The following NBAS variants were observed in gnomAD, a reference collection of about 807,000 sequenced individuals.
NBAS encodes NBAS subunit of NRZ tethering complex.
Under a neutral mutation model 302.5 loss-of-function variants are expected in NBAS, and 219 were observed. That is an observed-to-expected ratio of 0.72 (90% CI 0.65 to 0.81). The LOEUF is 0.81. NBAS is among the 30% of genes least tolerant of loss of function. The pLI is 0.00. For synonymous variants in NBAS, 1,118 were observed against 1,021.6 expected, an observed-to-expected ratio of 1.09 and a Z score of -1.80; for missense variants, 2,932 against 2,841.6, an observed-to-expected ratio of 1.03 and a Z score of -0.72.
At chr2:14,848,324 C>A in the NBAS span, among the ~76,000 whole-genome samples, 3 of 145,606 alleles carry the variant, frequency 2.1e-5, 1 homozygote, top group Admixed American at 6.6e-5. Context: ...GACGGACACA[C>A]CTGGAAAATC....
chr2:15,249,022 T>G (rs1668235917), intron 44 of NBAS, among the ~76,000 whole-genome samples: 1 of 152,008 alleles, frequency 6.6e-6, no homozygotes, highest in African/African-American at 2.4e-5. Context: ...AAAAGAAAAT[T>G]TCAGGCCAAT....
At chr2:14,817,408 T>C in the NBAS span, among the ~76,000 whole-genome samples, 1 of 152,034 alleles carries the variant, frequency 6.6e-6, no homozygotes. Flanking sequence ...CACTGGACAA[T>C]ATTGCATGTG....
At chr2:14,919,495 AGT>A in the NBAS span, among the ~76,000 whole-genome samples, 1 of 152,152 alleles carries the variant, frequency 6.6e-6, no homozygotes, top group African/African-American at 2.4e-5. Flanking sequence ...ACAATGATGA[AGT>A]TTGCTGCATC....
the NBAS span, among the ~76,000 whole-genome samples, chr2:15,086,919 G>T: frequency 6.6e-6 from 1 of 152,124 alleles, no homozygotes; most frequent in South Asian, 2.1e-4. Flanking sequence ...TCCTAATGTG[G>T]GTGGGCCTTA....
chr2:14,912,028 C>T, the NBAS span, among the ~76,000 whole-genome samples: 3 of 152,138 alleles, frequency 2.0e-5, no homozygotes, highest in Admixed American at 6.5e-5. Context: ...ACTACATGCC[C>T]GGGCTATAGG....
At chr2:15,060,680 C>T in the NBAS span, among the ~76,000 whole-genome samples, 2 of 151,996 alleles carry the variant, frequency 1.3e-5, no homozygotes, top group African/African-American at 4.8e-5. Flanking sequence ...ACTGAGGATC[C>T]TAGATCTACT....
intron 35 of NBAS, among the ~76,000 whole-genome samples, chr2:15,345,660 A>T (rs1384250238): frequency 4.6e-5 from 7 of 152,188 alleles, no homozygotes; most frequent in African/African-American, 9.7e-5. Flanking sequence ...AACTACTTTA[A>T]ATTTCATATG....
chr2:15,351,285 C>A (rs56927351), intron 35 of NBAS, among the ~76,000 whole-genome samples: 47 of 152,090 alleles, frequency 3.1e-4, no homozygotes, highest in Non-Finnish European at 2.9e-5. Flanking sequence ...TGGTACGTAT[C>A]GACATTATTT....
At position 15,318,971 on chromosome 2, in the gene NBAS, A is replaced by G. The variant is rs1346077695; in HGVS notation, c.4582+8779T>C. 2.0e-5 allele frequency among the ~76,000 whole-genome samples: 3 copies of G among 152,218 alleles called. No homozygotes were observed. The East Asian group carries it at 5.8e-4, about 29-fold the overall frequency. On this transcript the variant is annotated intron_variant, in intron 38 of 51. Coordinates refer to ENST00000281513, the MANE Select transcript of NBAS (RefSeq NM_015909.4). ...ATTCTTCTTGCACCACATCACACCT[A>G]TTCTAAAATTGACCACATAATTGGA...
chr2:14,982,292 C>T, the NBAS span, among the ~76,000 whole-genome samples: 57 of 152,276 alleles, frequency 3.7e-4, no homozygotes, highest in African/African-American at 1.4e-3. Context: ...GTGCCAGCAC[C>T]CCAAGTCACT....
At chr2:15,033,716 T>A in the NBAS span, among the ~76,000 whole-genome samples, 1 of 152,036 alleles carries the variant, frequency 6.6e-6, no homozygotes, top group African/African-American at 2.4e-5. Context: ...ATCTTAGCAC[T>A]TTGGGAGGTG....
At chr2:14,988,349 C>T in the NBAS span, among the ~76,000 whole-genome samples, 1 of 152,098 alleles carries the variant, frequency 6.6e-6, no homozygotes, top group Non-Finnish European at 1.5e-5. Context: ...TATAAACAGA[C>T]CCAGATACAA....
At chr2:15,440,774 T>G (rs1678346785) in intron 21 of NBAS, among the ~76,000 whole-genome samples, 3 of 152,026 alleles carry the variant, frequency 2.0e-5, no homozygotes, top group Admixed American at 2.0e-4. Flanking sequence ...TTTAGACGAA[T>G]GTATAACTAG....
chr2:15,168,714 C>T (rs962372456), intron 51 of NBAS, among the ~76,000 whole-genome samples: 1 of 152,246 alleles, frequency 6.6e-6, no homozygotes, highest in African/African-American at 2.4e-5. Context: ...ACTGCAACCT[C>T]CTCCTCTTGG....
chr2:14,944,442 C>G, the NBAS span, among the ~76,000 whole-genome samples: 1 of 152,238 alleles, frequency 6.6e-6, no homozygotes, highest in African/African-American at 2.4e-5. Context: ...TTCTCCAACA[C>G]GTCCTTGACA....
At chr2:15,240,174 T>C (rs1331314464) in intron 44 of NBAS, among the ~76,000 whole-genome samples, 1 of 152,060 alleles carries the variant, frequency 6.6e-6, no homozygotes, top group Non-Finnish European at 1.5e-5. Flanking sequence ...TTCTACTTCC[T>C]AAAAGCAGTC....
intron 6 of NBAS, among the ~76,000 whole-genome samples, chr2:15,545,481 C>T (rs934964109): frequency 2.6e-5 from 4 of 151,976 alleles, no homozygotes; most frequent in Non-Finnish European, 4.4e-5. Context: ...ATACAGGGGA[C>T]GTCAGTACAG....
At chr2:14,789,462 T>C in the NBAS span, among the ~76,000 whole-genome samples, 1 of 152,296 alleles carries the variant, frequency 6.6e-6, no homozygotes, top group South Asian at 2.1e-4. Flanking sequence ...GCTGTTCCTA[T>C]TTGGCCATAT....
At chr2:14,916,016 G>A in the NBAS span, among the ~76,000 whole-genome samples, 2 of 152,056 alleles carry the variant, frequency 1.3e-5, no homozygotes, top group Non-Finnish European at 2.9e-5. Context: ...TCTTTCTTTT[G>A]TAAATTGCCC....
Sources: gnomAD v4.1 joint callset for allele counts (sites outside exome capture counted in the v4.1 genomes callset) on GRCh38, gnomAD v4.1.1 for gene constraint, MANE v1.5 for transcripts, NCBI Gene and HGNC (gene_info 2026-07-23, HGNC 2026-07-21) for gene names.